ADIPOR2: variants seen among roughly 807,000 people sequenced by gnomAD.
ADIPOR2 encodes adiponectin receptor protein 2.
Under a neutral mutation model 40.9 loss-of-function variants are expected in ADIPOR2, and 18 were observed. That is an observed-to-expected ratio of 0.44 (90% CI 0.30 to 0.65). The LOEUF is 0.65. ADIPOR2 is among the 30% of genes least tolerant of loss of function. The pLI is 0.09. For missense variants in ADIPOR2, 283 were observed against 479.2 expected, an observed-to-expected ratio of 0.59 and a Z score of 3.82; for synonymous variants, 165 against 166.4, an observed-to-expected ratio of 0.99 and a Z score of 0.06.
chr12:1,761,839 T>C (rs1280592602), intron 2 of ADIPOR2, among the ~76,000 whole-genome samples: 1 of 152,220 alleles, frequency 6.6e-6, no homozygotes, highest in African/African-American at 2.4e-5. Context: ...GTCCAATATA[T>C]TCTTCGCACA....
intron 3 of ADIPOR2, 55 bp downstream of exon 3, chr12:1,773,016 A>G (rs2154444184): frequency 1.9e-6 from 3 of 1,583,700 alleles, no homozygotes; most frequent in South Asian, 2.3e-5. Flanking sequence ...CTTCCAAAAC[A>G]GAAACCTTTA....
chr12:1,715,350 C>CA (rs1418053939), intron 1 of ADIPOR2, among the ~76,000 whole-genome samples: 1 of 151,980 alleles, frequency 6.6e-6, no homozygotes, highest in Non-Finnish European at 1.5e-5. Context: ...GGGGCCAGGC[C>CA]ATAGTGCAGA....
intron 2 of ADIPOR2, among the ~76,000 whole-genome samples, chr12:1,756,442 G>A (rs1169004441): frequency 1.4e-5 from 2 of 147,128 alleles, no homozygotes; most frequent in Admixed American, 7.1e-5. Context: ...GAGCCACTGT[G>A]CCTGGCCTTC....
intron 1 of ADIPOR2, among the ~76,000 whole-genome samples, chr12:1,751,143 G>A (rs148955694): frequency 6.6e-6 from 1 of 151,850 alleles, no homozygotes; most frequent in Non-Finnish European, 1.5e-5. Context: ...GTATTGGGGT[G>A]TTCTGTTTTG....
chr12:1,761,162 A>G (rs1592619196), intron 2 of ADIPOR2, among the ~76,000 whole-genome samples: 1 of 152,202 alleles, frequency 6.6e-6, no homozygotes. Context: ...CAGCATATAT[A>G]GGGTCCAGCA....
intron 1 of ADIPOR2, among the ~76,000 whole-genome samples, chr12:1,694,575 C>T (rs760322763): frequency 4.6e-5 from 7 of 152,108 alleles, no homozygotes; most frequent in Non-Finnish European, 8.8e-5. Flanking sequence ...AATACAGATG[C>T]TATATTAAAC....
At chr12:1,765,471 A>G (rs1862356597) in intron 2 of ADIPOR2, among the ~76,000 whole-genome samples, 1 of 152,224 alleles carries the variant, frequency 6.6e-6, no homozygotes, top group African/African-American at 2.4e-5. Flanking sequence ...GAATAGAAAT[A>G]TACTCATTTC....
intron 1 of ADIPOR2, among the ~76,000 whole-genome samples, chr12:1,709,740 T>A (rs1292680845): frequency 6.6e-6 from 1 of 152,190 alleles, no homozygotes. Flanking sequence ...ATATTCAATT[T>A]TATATTAAAT....
At chr12:1,736,483 C>T (rs2094730984) in intron 1 of ADIPOR2, among the ~76,000 whole-genome samples, 2 of 152,156 alleles carry the variant, frequency 1.3e-5, no homozygotes, top group South Asian at 4.1e-4. Context: ...TTTATTGTGT[C>T]TATTTGATTC....
chr12:1,724,746 G>A (rs2190556), intron 1 of ADIPOR2, among the ~76,000 whole-genome samples: 74,818 of 151,692 alleles, frequency 0.49, 18,726 homozygotes, highest in Non-Finnish European at 0.55. Flanking sequence ...GCTGGAATGC[G>A]GTGGCACGAT....
At chr12:1,733,199 CTGTT>C (rs1303725583) in intron 1 of ADIPOR2, among the ~76,000 whole-genome samples, 3 of 152,296 alleles carry the variant, frequency 2.0e-5, no homozygotes, top group South Asian at 2.1e-4. Context: ...TCAAAAATCA[CTGTT>C]TGCTATCTGA....
chr12:1,784,821 C>A (rs374131292), intron 7 of ADIPOR2, among the ~76,000 whole-genome samples: 1 of 152,204 alleles, frequency 6.6e-6, no homozygotes, highest in South Asian at 2.1e-4. Context: ...TGGAAATACG[C>A]TTAATGTGAA....
intron 1 of ADIPOR2, among the ~76,000 whole-genome samples, chr12:1,729,646 G>GTT (rs58714863): frequency 0.15 from 17,836 of 118,094 alleles, 1,730 homozygotes; most frequent in East Asian, 0.33. Flanking sequence ...TTTTTTGAGT[G>GTT]TTTTTTTTTG....
intron 1 of ADIPOR2, among the ~76,000 whole-genome samples, chr12:1,705,553 T>C (rs973159331): frequency 6.6e-6 from 1 of 152,236 alleles, no homozygotes; most frequent in African/African-American, 2.4e-5. Context: ...GAAACAAATA[T>C]ATTTTGTGTT....
intron 6 of ADIPOR2, 28 bp downstream of exon 6, chr12:1,781,104 G>A (rs762299890): frequency 1.2e-5 from 18 of 1,521,786 alleles, no homozygotes; most frequent in East Asian, 4.8e-5. Context: ...TTCTACATTC[G>A]ACATTCATTT....
chr12:1,725,036 C>T (rs1405240488), intron 1 of ADIPOR2, among the ~76,000 whole-genome samples: 1 of 152,104 alleles, frequency 6.6e-6, no homozygotes, highest in East Asian at 1.9e-4. Flanking sequence ...AGGGGCTATA[C>T]ACAATACAGC....
rs1356877529 is a variant in ADIPOR2, at chr12:1,778,169, C to G, written c.463+144C>G. The G allele has an allele frequency of 6.3e-6, 6 of 947,930 alleles. No homozygotes were observed. In the East Asian group the frequency reaches 1.8e-4, roughly 28 times the overall value. 58.7% of individuals were successfully genotyped at this position (947,930 alleles called of 1,614,324 possible). A position where few individuals can be genotyped will look rare whatever the true frequency, so the allele number is the denominator to read the frequency against. The stretch of plus-strand genomic sequence containing the variant: ...GAATTTCTAATGATGAATTTTCTGA[C>G]TGGTTTACTCGTAGTTTATCCTGGT... On this transcript the variant is annotated intron_variant, in intron 4 of 7. Coordinates refer to ENST00000357103, the MANE Select transcript of ADIPOR2 (RefSeq NM_024551.3).
At chr12:1,747,067 TAAAA>T (rs775067721) in intron 1 of ADIPOR2, among the ~76,000 whole-genome samples, 3 of 101,712 alleles carry the variant, frequency 2.9e-5, no homozygotes, top group African/African-American at 1.2e-4. Flanking sequence ...CCCCAAAAAA[TAAAA>T]AAAACAAAAC....
At chr12:1,780,775 A>G (rs1312013407) in intron 5 of ADIPOR2, 114 bp from the exon 6 acceptor site, 2 of 1,357,506 alleles carry the variant, frequency 1.5e-6, no homozygotes, top group Admixed American at 2.6e-5. Context: ...AGAGCAACCC[A>G]GTTTGGCTCT....
Sources: gnomAD v4.1 joint callset for allele counts (sites outside exome capture counted in the v4.1 genomes callset) on GRCh38, gnomAD v4.1.1 for gene constraint, MANE v1.5 for transcripts, NCBI Gene and HGNC (gene_info 2026-07-23, HGNC 2026-07-21) for gene names.